The following WDFY2 variants were observed in gnomAD, a reference collection of about 807,000 sequenced individuals.
WDFY2 encodes WD repeat and FYVE domain-containing protein 2.
A neutral mutation model predicts 56.4 loss-of-function variants in WDFY2; 36 were observed. The observed-to-expected ratio is 0.64, with a 90% CI of 0.49 to 0.84. WDFY2 has a LOEUF of 0.84. WDFY2 is among the 40% of genes least tolerant of loss of function. The pLI, the probability that WDFY2 is intolerant of heterozygous loss-of-function variation, is 0.00. For missense variants in WDFY2, 444 were observed against 512.2 expected (o/e 0.87, Z 1.29); for synonymous variants, 176 against 183.7 (o/e 0.96, Z 0.34).
chr13:51,613,216 TAAAA>T (rs926111787), intron 1 of WDFY2, among the ~76,000 whole-genome samples: 3 of 150,114 alleles, frequency 2.0e-5, no homozygotes, highest in Non-Finnish European at 4.5e-5. Context: ...CTCTAAAAAA[TAAAA>T]AAAAAGAAGC....
intron 4 of WDFY2, among the ~76,000 whole-genome samples, chr13:51,711,165 C>A (rs1359041247): frequency 6.6e-6 from 1 of 152,080 alleles, no homozygotes; most frequent in Non-Finnish European, 1.5e-5. Flanking sequence ...CTTTGACAAA[C>A]CTGACAAAAA....
intron 1 of WDFY2, among the ~76,000 whole-genome samples, chr13:51,585,825 G>C (rs986116151): frequency 6.6e-6 from 1 of 152,166 alleles, no homozygotes; most frequent in Non-Finnish European, 1.5e-5. Flanking sequence ...ACTCAAAATT[G>C]AGAGGCTGAG....
intron 4 of WDFY2, among the ~76,000 whole-genome samples, chr13:51,713,119 A>C (rs1952262023): frequency 6.6e-6 from 1 of 152,200 alleles, no homozygotes; most frequent in African/African-American, 2.4e-5. Flanking sequence ...TTTCCAGCCC[A>C]TTCTATTAGA....
At chr13:51,700,043 G>A (rs967773117) in intron 3 of WDFY2, among the ~76,000 whole-genome samples, 2 of 152,156 alleles carry the variant, frequency 1.3e-5, no homozygotes, top group African/African-American at 4.8e-5. Flanking sequence ...TGTATTTTGG[G>A]TGAAAACAGA....
chr13:51,646,659 A>G (rs1014497202), intron 1 of WDFY2, among the ~76,000 whole-genome samples: 1 of 152,256 alleles, frequency 6.6e-6, no homozygotes, highest in East Asian at 1.9e-4. Flanking sequence ...GAATGAATGT[A>G]TATAAGTGCA....
chr13:51,691,654 G>A (rs1956160242), intron 3 of WDFY2, among the ~76,000 whole-genome samples: 1 of 151,884 alleles, frequency 6.6e-6, no homozygotes, highest in Non-Finnish European at 1.5e-5. Context: ...TTGTTCTTTT[G>A]GCTTAGGATT....
Position 51,756,456 on chromosome 13 carries a change from ATGAAGAG to A in WDFY2, c.1060_1064+2del, listed in dbSNP as rs1370581214. 2 of 1,613,722 alleles carry A rather than the reference ATGAAGAG, an allele frequency of 1.2e-6. No individual in the cohort carries two copies. The highest frequency in any genetic ancestry group is 2.2e-5 in the South Asian group (2 of 91,038). ...GACAGCTGCCACGAGGCCATCACAG[ATGAAGAG>A]TAAGTTCCTGCAGCCTGCAGACCGC... On this transcript the variant is annotated splice_donor_variant and coding_sequence_variant, in exon 10 of 12. Transcript: ENST00000298125. LOFTEE classifies it high-confidence loss of function.
chr13:51,730,845 T>A (rs1310823599), intron 6 of WDFY2, among the ~76,000 whole-genome samples: 1 of 152,112 alleles, frequency 6.6e-6, no homozygotes, highest in Non-Finnish European at 1.5e-5. Flanking sequence ...TCACTCTTTT[T>A]TGGCAGGAAC....
chr13:51,616,779 G>T (rs1170028729), intron 1 of WDFY2, among the ~76,000 whole-genome samples: 1 of 152,236 alleles, frequency 6.6e-6, no homozygotes, highest in Non-Finnish European at 1.5e-5. Flanking sequence ...AGGAGAATCA[G>T]AATATTTGGT....
chr13:51,682,710 T>C (rs192131937), intron 3 of WDFY2, among the ~76,000 whole-genome samples: 2 of 152,300 alleles, frequency 1.3e-5, no homozygotes, highest in East Asian at 3.9e-4. Flanking sequence ...CATGGAAAGC[T>C]CTTAGAACAG....
In WDFY2 at chr13:51,693,670, G is replaced by A. The variant is rs1298241605; in HGVS notation, c.280-9926G>A. 1.6e-4 allele frequency among the ~76,000 whole-genome samples: 24 copies of A among 150,902 alleles called. 1 individual carries two copies. The highest frequency in any genetic ancestry group is 6.8e-3 in the Middle Eastern group (2 of 292). On this transcript the variant is annotated intron_variant, in intron 3 of 11. Coordinates refer to ENST00000298125, the MANE Select transcript of WDFY2 (RefSeq NM_052950.4). ...AAAATGTATATTCTGTTGATTTGGG[G>A]TGGAGAGTTCTGTAGATGTCTATTA...
rs66771214 is a variant in WDFY2 at position 51,667,879 on chromosome 13, CTTTTTTTT to C, written c.205+7239_205+7246del. 2.0e-4 allele frequency among the ~76,000 whole-genome samples: 10 copies of C among 50,048 alleles called. No homozygotes were observed. In the South Asian group the frequency reaches 2.1e-3, roughly 10 times the overall value. The allele number at this position is 50,048 out of a possible 152,430, so 32.8% of individuals were successfully genotyped here. A position where few individuals can be genotyped will look rare whatever the true frequency, so the allele number is the denominator to read the frequency against. ...GAAGAAAAAGGTACCTGAGGAACTT[CTTTTTTTT>C]TTTTTTTTTTTTTTTTTTTTTTGGT... On this transcript the variant is annotated intron_variant, in intron 2 of 11. Coordinates refer to ENST00000298125, the MANE Select transcript of WDFY2 (RefSeq NM_052950.4).
At chr13:51,668,263 G>A (rs1955748362) in intron 2 of WDFY2, among the ~76,000 whole-genome samples, 2 of 152,118 alleles carry the variant, frequency 1.3e-5, no homozygotes, top group South Asian at 4.1e-4. Flanking sequence ...ATTAAGTACA[G>A]CATTTATTTA....
intron 11 of WDFY2, 82 bp downstream of exon 11, chr13:51,758,382 G>A: frequency 2.0e-6 from 2 of 1,022,144 alleles, no homozygotes; most frequent in Non-Finnish European, 2.9e-6. Context: ...GGGAGGCACT[G>A]TTCTAAAGGT....
intron 3 of WDFY2, among the ~76,000 whole-genome samples, chr13:51,702,715 A>G (rs907219357): frequency 2.6e-5 from 4 of 152,198 alleles, no homozygotes; most frequent in African/African-American, 9.6e-5. Flanking sequence ...TATCAAAGAA[A>G]AATCCTGTAT....
chr13:51,653,694 A>G (rs929422845), intron 1 of WDFY2, among the ~76,000 whole-genome samples: 3 of 152,218 alleles, frequency 2.0e-5, no homozygotes, highest in East Asian at 1.9e-4. Flanking sequence ...TTGCCTGGGT[A>G]TCAGCAGCAG....
Position 51,767,528 on chromosome 13 carries a change from A to C in WDFY2, c.*7759A>C, listed in dbSNP as rs1299944766. 4 of 152,292 alleles carry C rather than the reference A, an allele frequency of 2.6e-5. No individual in the cohort carries two copies. The highest frequency in any genetic ancestry group is 4.4e-5 in the Non-Finnish European group (3 of 68,282). The allele number at this position is 152,292 out of a possible 1,614,324, so 9.4% of individuals were successfully genotyped here. A position where few individuals can be genotyped will look rare whatever the true frequency, so the allele number is the denominator to read the frequency against. ...CCATGGACACCAAGAATGTATGTAG[A>C]TGTATTCTAAATCTGCTCATTGGTT... On this transcript the variant is annotated 3_prime_UTR_variant, in exon 12 of 12. Coordinates refer to ENST00000298125, the MANE Select transcript of WDFY2 (RefSeq NM_052950.4).
At chr13:51,647,641 T>A (rs1955285833) in intron 1 of WDFY2, among the ~76,000 whole-genome samples, 1 of 152,008 alleles carries the variant, frequency 6.6e-6, no homozygotes, top group South Asian at 2.1e-4. Context: ...ATCTGTAGTT[T>A]AGCTACTTGG....
intron 1 of WDFY2, among the ~76,000 whole-genome samples, chr13:51,623,840 G>GT (rs557684744): frequency 0.11 from 15,289 of 143,040 alleles, 856 homozygotes; most frequent in Middle Eastern, 0.15. Context: ...TTTTTACAGA[G>GT]TTTTTTTTTT....
Sources: allele counts gnomAD v4.1 joint callset (sites outside exome capture counted in the v4.1 genomes callset), GRCh38; gene constraint gnomAD v4.1.1; transcripts MANE v1.5; gene names NCBI Gene and HGNC (gene_info 2026-07-23, HGNC 2026-07-21).